MAGI3: variants seen among roughly 807,000 people sequenced by gnomAD.
The protein encoded by MAGI3 is membrane-associated guanylate kinase, WW and PDZ domain-containing protein 3.
A neutral mutation model predicts 121.8 loss-of-function variants in MAGI3; 43 were observed. The ratio of observed to expected loss-of-function variants is 0.35; its 90% CI spans 0.28 to 0.46. MAGI3 has a LOEUF of 0.46. Ranked by LOEUF, MAGI3 falls within the 20% of genes least tolerant of loss-of-function variation. The pLI is 1.00. For missense variants in MAGI3, 1,547 were observed against 1,797.3 expected (o/e 0.86, Z 2.52); for synonymous variants, 553 against 639.3 (o/e 0.86, Z 2.04).
In MAGI3 at chr1:113,401,936, T is replaced by TA. The variant is rs1651427501; in HGVS notation, c.316+10587_316+10588insA. Among the ~76,000 whole-genome samples, 5 of 152,292 alleles carry TA rather than the reference T, an allele frequency of 3.3e-5. No individual in the cohort carries two copies. In the South Asian group the frequency reaches 1.0e-3, roughly 32 times the overall value. ...GTGGATTGTTGGAACCTCTTATTCTTTAAGTGTTTACGCTGTTATGTTTTC... is the reference window on the plus strand; with the variant it reads ...GTGGATTGTTGGAACCTCTTATTCTTATAAGTGTTTACGCTGTTATGTTTTC... On this transcript the variant is annotated intron_variant, in intron 1 of 20. Coordinates refer to ENST00000307546, the MANE Select transcript of MAGI3 (RefSeq NM_001142782.2).
At chr1:113,644,678 T>G (rs1256813218) in intron 11 of MAGI3, among the ~76,000 whole-genome samples, 1 of 152,218 alleles carries the variant, frequency 6.6e-6, no homozygotes, top group Non-Finnish European at 1.5e-5. Context: ...TTGGCATTCT[T>G]CTAAATAATC....
intron 1 of MAGI3, among the ~76,000 whole-genome samples, chr1:113,428,905 T>G (rs1470642480): frequency 6.6e-6 from 1 of 152,224 alleles, no homozygotes; most frequent in African/African-American, 2.4e-5. Context: ...GTTCTTGAAT[T>G]TAAATTAATT....
chr1:113,518,388 CT>C (rs1164871453), intron 1 of MAGI3, among the ~76,000 whole-genome samples: 3 of 151,874 alleles, frequency 2.0e-5, no homozygotes, highest in Non-Finnish European at 4.4e-5. Flanking sequence ...TATGATTTAC[CT>C]CATACTTAGT....
intron 1 of MAGI3, among the ~76,000 whole-genome samples, chr1:113,447,816 C>T (rs1018308010): frequency 2.0e-5 from 3 of 151,918 alleles, no homozygotes; most frequent in Non-Finnish European, 4.4e-5. Flanking sequence ...GATCACGCCA[C>T]TGCACTCCAG....
At chr1:113,660,880 A>G (rs974019079) in intron 16 of MAGI3, among the ~76,000 whole-genome samples, 3 of 150,700 alleles carry the variant, frequency 2.0e-5, no homozygotes, top group African/African-American at 7.4e-5. Context: ...CTAGTATTAC[A>G]GGCGTGAGCC....
At chr1:113,413,061 G>A (rs1238214251) in intron 1 of MAGI3, among the ~76,000 whole-genome samples, 2 of 152,118 alleles carry the variant, frequency 1.3e-5, no homozygotes. Context: ...TGTATAAGGT[G>A]TAAGGAAGGG....
chr1:113,591,383 T>A (rs1284338531), intron 5 of MAGI3, among the ~76,000 whole-genome samples: 1 of 152,120 alleles, frequency 6.6e-6, no homozygotes, highest in East Asian at 1.9e-4. Flanking sequence ...TGTAGTAAAG[T>A]TACAGAATAT....
intron 9 of MAGI3, 51 bp from the exon 10 acceptor site, chr1:113,641,860 A>G (rs1652554666): frequency 6.7e-7 from 1 of 1,497,946 alleles, no homozygotes; most frequent in African/African-American, 1.4e-5. Context: ...TAGCAAAAAA[A>G]TTAACTTATT....
intron 1 of MAGI3, among the ~76,000 whole-genome samples, chr1:113,538,714 T>C (rs1312097110): frequency 6.6e-6 from 1 of 152,226 alleles, no homozygotes; most frequent in African/African-American, 2.4e-5. Context: ...GGTGATTTTG[T>C]TGTGTCTTGT....
intron 11 of MAGI3, among the ~76,000 whole-genome samples, chr1:113,644,710 G>T (rs942549004): frequency 1.1e-4 from 17 of 152,212 alleles, no homozygotes; most frequent in Non-Finnish European, 8.8e-5. Flanking sequence ...TTAAGGACCT[G>T]TGCAGAGAAT....
At chr1:113,406,903 T>G (rs144706419) in intron 1 of MAGI3, among the ~76,000 whole-genome samples, 65 of 152,276 alleles carry the variant, frequency 4.3e-4, no homozygotes, top group African/African-American at 1.4e-3. Context: ...ATGTCCATTG[T>G]GAGTTGAATG....
At chr1:113,513,563 T>C (rs1357960884) in intron 1 of MAGI3, among the ~76,000 whole-genome samples, 25 of 152,236 alleles carry the variant, frequency 1.6e-4, no homozygotes, top group South Asian at 8.3e-4. Flanking sequence ...TTGGGAAAAC[T>C]GGCTAGCCAT....
rs1557743953 is a variant in MAGI3, at chr1:113,416,138, A to AATTATGTAATTAATGACACAT, written c.316+24795_316+24815dup. 2.7e-3 allele frequency among the ~76,000 whole-genome samples: 147 copies of AATTATGTAATTAATGACACAT among 54,306 alleles called. 5 individuals are homozygous for AATTATGTAATTAATGACACAT. The highest frequency in any genetic ancestry group is 3.7e-3 in the Non-Finnish European group (100 of 27,002). The allele number at this position is 54,306 out of a possible 152,430, so 35.6% of individuals were successfully genotyped here. On this transcript the variant is annotated intron_variant, in intron 1 of 20. Transcript: ENST00000307546. ...AATTATGTAATTAATGACACATATT[A>AATTATGTAATTAATGACACAT]ATTATGTAATTAATGACACATATTA...
intron 9 of MAGI3, among the ~76,000 whole-genome samples, chr1:113,636,960 T>C (rs1652070705): frequency 6.6e-6 from 1 of 152,370 alleles, no homozygotes; most frequent in East Asian, 1.9e-4. Context: ...TCTTGTTGAA[T>C]TGATCCCTTT....
At chr1:113,573,118 G>C (rs1570883787) in intron 2 of MAGI3, among the ~76,000 whole-genome samples, 1 of 152,076 alleles carries the variant, frequency 6.6e-6, no homozygotes, top group East Asian at 1.9e-4. Context: ...GTAGAGACAG[G>C]GTTTCACCGT....
intron 4 of MAGI3, among the ~76,000 whole-genome samples, chr1:113,587,150 G>A (rs574589091): frequency 1.3e-5 from 2 of 152,134 alleles, no homozygotes; most frequent in Non-Finnish European, 2.9e-5. Flanking sequence ...ACTAATCAAA[G>A]TTGGGGAAAT....
chr1:113,507,853 C>T (rs1402742370), intron 1 of MAGI3, among the ~76,000 whole-genome samples: 1 of 152,120 alleles, frequency 6.6e-6, no homozygotes, highest in Non-Finnish European at 1.5e-5. Context: ...TCACTGACTG[C>T]CCCAGATTAG....
intron 1 of MAGI3, among the ~76,000 whole-genome samples, chr1:113,518,323 A>G (rs1020443626): frequency 2.0e-5 from 3 of 152,098 alleles, no homozygotes; most frequent in African/African-American, 7.2e-5. Context: ...TATAAATTCA[A>G]TAGTAGTAAT....
At chr1:113,532,902 A>G (rs1286595061) in intron 1 of MAGI3, among the ~76,000 whole-genome samples, 3 of 152,226 alleles carry the variant, frequency 2.0e-5, no homozygotes, top group Non-Finnish European at 4.4e-5. Flanking sequence ...TTGAACTTAC[A>G]ACAGACTTTT....
Sources: allele counts gnomAD v4.1 joint callset (sites outside exome capture counted in the v4.1 genomes callset), GRCh38; gene constraint gnomAD v4.1.1; transcripts MANE v1.5; gene names NCBI Gene and HGNC (gene_info 2026-07-23, HGNC 2026-07-21).